The following COTL1 variants were observed in gnomAD, a reference collection of about 807,000 sequenced individuals.
COTL1 encodes coactosin-like protein.
COTL1 carries 15 observed loss-of-function variants against 16.5 expected under a neutral mutation model. The ratio of observed to expected loss-of-function variants is 0.91; its 90% CI spans 0.61 to 1.40. COTL1 has a LOEUF of 1.40. Among genes scored for constraint, COTL1 ranks in the 40% most tolerant of loss-of-function variants. The pLI is 0.00. For missense variants in COTL1, 220 were observed against 201.5 expected (o/e 1.09, Z -0.56); for synonymous variants, 112 against 85.3 (o/e 1.31, Z -1.73).
intron 3 of COTL1, among the ~76,000 whole-genome samples, chr16:84,582,564 ACTTAATTATAATTC>A (rs1235523669): frequency 1.3e-5 from 2 of 152,210 alleles, no homozygotes; most frequent in Non-Finnish European, 2.9e-5. Flanking sequence ...CTTGTTAGTT[ACTTAATTATAATTC>A]CTTAATTATA....
At chr16:84,614,224 A>G (rs1003483969) in intron 2 of COTL1, among the ~76,000 whole-genome samples, 1 of 152,242 alleles carries the variant, frequency 6.6e-6, no homozygotes, top group African/African-American at 2.4e-5. Context: ...GAACTGAGCT[A>G]TGGAGCAAGA....
chr16:84,611,933 C>CCT (rs1256915002), intron 2 of COTL1, among the ~76,000 whole-genome samples: 1 of 152,102 alleles, frequency 6.6e-6, no homozygotes, highest in African/African-American at 2.4e-5. Flanking sequence ...GGCCCCTTTC[C>CCT]CTCCACCTCT....
At chr16:84,576,076 A>AT (rs897876273) in intron 3 of COTL1, 1 of 152,126 alleles carries the variant, frequency 6.6e-6, no homozygotes, top group African/African-American at 2.4e-5. Context: ...CCTAACGTTT[A>AT]TTTTTTAACA....
chr16:84,606,582 C>G (rs74036344), intron 2 of COTL1, among the ~76,000 whole-genome samples: 3,034 of 152,332 alleles, frequency 0.02, 98 homozygotes, highest in African/African-American at 0.069. Flanking sequence ...TGCTTTTTGA[C>G]TCCTTGTCAC....
At chr16:84,580,775 C>T (rs1904570483) in intron 3 of COTL1, among the ~76,000 whole-genome samples, 1 of 152,288 alleles carries the variant, frequency 6.6e-6, no homozygotes, top group South Asian at 2.1e-4. Flanking sequence ...CCTCCATATA[C>T]GATACCTGAT....
chr16:84,569,047 T>G (rs1231873305), intron 3 of COTL1: 1 of 152,262 alleles, frequency 6.6e-6, no homozygotes, highest in Non-Finnish European at 1.5e-5. Flanking sequence ...TCAGGCCAGG[T>G]GCGGTGGCTC....
intron 2 of COTL1, among the ~76,000 whole-genome samples, chr16:84,603,072 T>C (rs12149119): frequency 0.2 from 30,599 of 151,948 alleles, 3,203 homozygotes; most frequent in South Asian, 0.3. Flanking sequence ...TTTCCTCCCA[T>C]GTAACAATGG....
At chr16:84,574,416 G>C (rs1179041515) in intron 3 of COTL1, among the ~76,000 whole-genome samples, 1 of 152,188 alleles carries the variant, frequency 6.6e-6, no homozygotes, top group African/African-American at 2.4e-5. Flanking sequence ...TCTTTGTTTT[G>C]TCTGGGAACT....
intron 2 of COTL1, among the ~76,000 whole-genome samples, chr16:84,614,278 G>A (rs187477438): frequency 1.2e-3 from 182 of 152,344 alleles, no homozygotes; most frequent in African/African-American, 3.9e-3. Flanking sequence ...GAGGAAGGCC[G>A]GGAGCCAGGC....
intron 2 of COTL1, among the ~76,000 whole-genome samples, chr16:84,602,436 T>G (rs1306884911): frequency 6.6e-6 from 1 of 150,902 alleles, no homozygotes; most frequent in Non-Finnish European, 1.5e-5. Flanking sequence ...ATAAAACCAA[T>G]TCTTTGTCAG....
chr16:84,572,998 C>T (rs1188640101), intron 3 of COTL1, among the ~76,000 whole-genome samples: 1 of 152,074 alleles, frequency 6.6e-6, no homozygotes, highest in Non-Finnish European at 1.5e-5. Flanking sequence ...AAGTGATCCA[C>T]TGACCTCGGC....
intron 2 of COTL1, among the ~76,000 whole-genome samples, chr16:84,609,013 T>C (rs1194099114): frequency 1.3e-5 from 2 of 152,224 alleles, no homozygotes; most frequent in African/African-American, 4.8e-5. Context: ...ACTTTATAAC[T>C]GCCCAAAGCC....
rs1051525577 is a variant in COTL1 at position 84,615,733 on chromosome 16, A to C, written c.160+1768T>G. On this transcript the variant is annotated intron_variant, in intron 2 of 3. Coordinates refer to ENST00000262428, the MANE Select transcript of COTL1 (RefSeq NM_021149.5). ...GGCGGAGGGACGGAGGCCTGGGTTC[A>C]AATCCTGCCCTGCCAACTCTCCACA... 2.0e-5 allele frequency among the ~76,000 whole-genome samples: 3 copies of C among 152,324 alleles called. No individual in the cohort carries two copies. In the East Asian group the frequency reaches 5.8e-4, roughly 29 times the overall value.
intron 2 of COTL1, among the ~76,000 whole-genome samples, chr16:84,615,251 T>G (rs1905442029): frequency 6.6e-6 from 1 of 152,104 alleles, no homozygotes; most frequent in African/African-American, 2.4e-5. Flanking sequence ...GGCCCATTCA[T>G]GAGGATCCAC....
intron 3 of COTL1, among the ~76,000 whole-genome samples, chr16:84,589,065 G>C (rs1191777325): frequency 6.6e-6 from 1 of 152,018 alleles, no homozygotes; most frequent in Non-Finnish European, 1.5e-5. Flanking sequence ...TGACCTCCTG[G>C]TTTCCAGCGA....
chr16:84,612,429 G>A (rs577661477), intron 2 of COTL1, among the ~76,000 whole-genome samples: 17 of 152,312 alleles, frequency 1.1e-4, no homozygotes, highest in African/African-American at 3.9e-4. Context: ...GAGTGGGGAC[G>A]TGTACTGAAA....
At chr16:84,581,382 A>T (rs16974202) in intron 3 of COTL1, among the ~76,000 whole-genome samples, 1 of 151,994 alleles carries the variant, frequency 6.6e-6, no homozygotes, top group Admixed American at 6.6e-5. Flanking sequence ...GATGGTCCGC[A>T]GAGTGCTAAG....
At chr16:84,572,833 A>G (rs1597166854) in intron 3 of COTL1, among the ~76,000 whole-genome samples, 2 of 151,688 alleles carry the variant, frequency 1.3e-5, no homozygotes, top group African/African-American at 4.8e-5. Context: ...GCTCACTGCA[A>G]CCTCCACCGC....
intron 2 of COTL1, among the ~76,000 whole-genome samples, chr16:84,611,313 G>A (rs1393553897): frequency 6.6e-6 from 1 of 152,228 alleles, no homozygotes; most frequent in African/African-American, 2.4e-5. Context: ...TCCATGGATA[G>A]AGGATTGCTT....
Sources: gnomAD v4.1 joint callset for allele counts (sites outside exome capture counted in the v4.1 genomes callset) on GRCh38, gnomAD v4.1.1 for gene constraint, MANE v1.5 for transcripts, NCBI Gene and HGNC (gene_info 2026-07-23, HGNC 2026-07-21) for gene names.